KIF1B: variants seen among roughly 807,000 people sequenced by gnomAD.
The protein encoded by KIF1B is kinesin family member 1B.
A neutral mutation model predicts 241.9 loss-of-function variants in KIF1B; 76 were observed. That is an observed-to-expected ratio of 0.31 (90% CI 0.26 to 0.38). KIF1B has a LOEUF of 0.38. Ranked by LOEUF, KIF1B falls within the 10% of genes least tolerant of loss-of-function variation. The pLI is 1.00. For synonymous variants in KIF1B, 750 were observed against 796.7 expected (o/e 0.94, Z 0.99); for missense variants, 1,622 against 2,271.4 (o/e 0.71, Z 5.81).
chr1:10,319,041 T>C (rs1000561741), intron 22 of KIF1B, among the ~76,000 whole-genome samples: 4 of 152,064 alleles, frequency 2.6e-5, no homozygotes, highest in African/African-American at 9.7e-5. Flanking sequence ...ATTACCCTTA[T>C]TGAAAAACGC....
chr1:10,312,472 G>A (rs902618785), intron 22 of KIF1B, among the ~76,000 whole-genome samples: 1 of 151,340 alleles, frequency 6.6e-6, no homozygotes, highest in Admixed American at 6.6e-5. Flanking sequence ...AAACCATCCA[G>A]CAGTTTCCAT....
intron 2 of KIF1B, 25 bp from the exon 3 acceptor site, chr1:10,256,222 A>G (rs1647772819): frequency 1.4e-6 from 2 of 1,460,808 alleles, no homozygotes; most frequent in African/African-American, 2.8e-5. Context: ...AGTGACTTAT[A>G]AAATGAAACA....
intron 1 of KIF1B, among the ~76,000 whole-genome samples, chr1:10,229,867 CAAAAAAAAA>C (rs58923572): frequency 3.4e-4 from 19 of 56,474 alleles, no homozygotes; most frequent in African/African-American, 1.6e-3. Flanking sequence ...GACTCCGTCT[CAAAAAAAAA>C]AAAAAAAAAA....
chr1:10,297,536 C>G (rs1414793276), intron 22 of KIF1B, among the ~76,000 whole-genome samples: 2 of 152,112 alleles, frequency 1.3e-5, no homozygotes, highest in African/African-American at 4.8e-5. Context: ...GCCTTTGCCT[C>G]TTGATAGTGG....
chr1:10,331,484 T>C (rs1462639207), intron 27 of KIF1B, among the ~76,000 whole-genome samples: 1 of 152,248 alleles, frequency 6.6e-6, no homozygotes, highest in Non-Finnish European at 1.5e-5. Context: ...TGATTTAATG[T>C]TCATTTGCAG....
At chr1:10,338,770 A>G (rs990465550) in intron 31 of KIF1B, among the ~76,000 whole-genome samples, 2 of 152,204 alleles carry the variant, frequency 1.3e-5, no homozygotes, top group South Asian at 2.1e-4. Context: ...CCGGGAAGGT[A>G]TGGCTGCAGA....
chr1:10,244,049 A>G (rs992484802), intron 2 of KIF1B, among the ~76,000 whole-genome samples: 2 of 152,092 alleles, frequency 1.3e-5, no homozygotes, highest in African/African-American at 4.8e-5. Context: ...TTGTTTTTTA[A>G]TACTCTGGGA....
chr1:10,342,053 G>A lies in KIF1B; in HGVS notation c.3517G>A (p.Ala1173Thr). ...PLAFYHVQNI[A>T]VEITESFVDY... The stretch of plus-strand genomic sequence containing the variant: ...TCCTAATCTTGCTTGGCTTTAGATT[G>A]CAGTGGAGATCACTGAATCATTTGT... Residue 1173 changes from alanine (A) to threonine (T), a missense_variant, in exon 33 of 49, where the codon GCA becomes ACA. By Grantham distance (58) the Ala-to-Thr change is moderately conservative. Coordinates refer to ENST00000676179, the MANE Select transcript of KIF1B (RefSeq NM_001365951.3). 6.3e-7 allele frequency: 1 copy of A among 1,578,884 alleles called. No homozygotes were observed.
At chr1:10,261,327 G>A (rs1473880827) in intron 4 of KIF1B, among the ~76,000 whole-genome samples, 2 of 148,952 alleles carry the variant, frequency 1.3e-5, no homozygotes, top group Non-Finnish European at 3.0e-5. Context: ...CTGGAATGCA[G>A]TGGCACGATC....
At chr1:10,218,098 C>T (rs939417462) in intron 1 of KIF1B, among the ~76,000 whole-genome samples, 2 of 152,118 alleles carry the variant, frequency 1.3e-5, no homozygotes, top group African/African-American at 2.4e-5. Context: ...TATTTGCTCT[C>T]TCCTGCTCAT....
chr1:10,313,941 C>T (rs188611599), intron 22 of KIF1B, among the ~76,000 whole-genome samples: 156 of 151,358 alleles, frequency 1.0e-3, no homozygotes, highest in Non-Finnish European at 1.9e-3. Context: ...GTTGCCCAGG[C>T]CGGAGTGCAG....
chr1:10,341,990 C>A, intron 32 of KIF1B, 60 bp from the exon 33 acceptor site: 7 of 1,028,860 alleles, frequency 6.8e-6, no homozygotes, highest in African/African-American at 1.6e-5. Context: ...TACTAAAGTT[C>A]TGATTGAAGC....
At chr1:10,254,876 C>CAA (rs1159193467) in intron 2 of KIF1B, among the ~76,000 whole-genome samples, 495 of 35,818 alleles carry the variant, frequency 0.014, 14 homozygotes, top group Non-Finnish European at 0.016. Context: ...GACTCTGTCT[C>CAA]AAAAAAAAAA....
At chr1:10,253,999 C>G (rs75447042) in intron 2 of KIF1B, among the ~76,000 whole-genome samples, 2,852 of 152,276 alleles carry the variant, frequency 0.019, 41 homozygotes, top group Non-Finnish European at 0.028. Context: ...TAATCCTGAT[C>G]TCACTGATAG....
intron 44 of KIF1B, among the ~76,000 whole-genome samples, chr1:10,368,820 A>G (rs1389980133): frequency 6.6e-6 from 1 of 152,254 alleles, no homozygotes; most frequent in South Asian, 2.1e-4. Context: ...AGAATATTCT[A>G]TGGGGAGGTG....
At chr1:10,289,014 A>G (rs1273963606) in intron 15 of KIF1B, among the ~76,000 whole-genome samples, 3 of 152,324 alleles carry the variant, frequency 2.0e-5, no homozygotes. Flanking sequence ...CATATGAATC[A>G]TACATTGAAG....
At chr1:10,211,877 C>T (rs994063163) in intron 1 of KIF1B, 2 of 152,106 alleles carry the variant, frequency 1.3e-5, no homozygotes, top group Non-Finnish European at 2.9e-5. Context: ...ATTGCTAAGG[C>T]CACTGTATCA....
At chr1:10,285,767 G>C (rs1043511668) in intron 15 of KIF1B, among the ~76,000 whole-genome samples, 2 of 152,280 alleles carry the variant, frequency 1.3e-5, no homozygotes, top group South Asian at 2.1e-4. Context: ...TCTTTCATCC[G>C]TAGCGCCAGG....
chr1:10,312,607 C>T (rs1651116905), intron 22 of KIF1B, among the ~76,000 whole-genome samples: 1 of 151,568 alleles, frequency 6.6e-6, no homozygotes, highest in Admixed American at 6.5e-5. Context: ...CACAAGTTTT[C>T]TTGCTTTTCC....
Sources: gnomAD v4.1 joint callset for allele counts (sites outside exome capture counted in the v4.1 genomes callset) on GRCh38, gnomAD v4.1.1 for gene constraint, MANE v1.5 for transcripts, NCBI Gene and HGNC (gene_info 2026-07-23, HGNC 2026-07-21) for gene names.